DOCK4: variants seen among roughly 807,000 people sequenced by gnomAD.
The protein encoded by DOCK4 is dedicator of cytokinesis protein 4.
A neutral mutation model predicts 268.1 loss-of-function variants in DOCK4; 97 were observed. The ratio of observed to expected loss-of-function variants is 0.36; its 90% CI spans 0.31 to 0.43. DOCK4 has a LOEUF of 0.43. Among genes scored for constraint, DOCK4 ranks in the 20% least tolerant of loss-of-function variants. DOCK4 has a pLI of 1.00. For synonymous variants in DOCK4, 954 were observed against 887.2 expected, an observed-to-expected ratio of 1.08 and a Z score of -1.34; for missense variants, 2,145 against 2,455.7, an observed-to-expected ratio of 0.87 and a Z score of 2.67.
chr7:111,795,294 TAAACAAACAAAC>T (rs139322505), intron 30 of DOCK4, among the ~76,000 whole-genome samples: 3 of 151,824 alleles, frequency 2.0e-5, no homozygotes, highest in South Asian at 2.1e-4. Flanking sequence ...AGGACTTCTC[TAAACAAACAAAC>T]AAACAAACAA....
intron 16 of DOCK4, among the ~76,000 whole-genome samples, chr7:111,888,887 T>C (rs1001853248): frequency 4.6e-5 from 7 of 151,632 alleles, no homozygotes; most frequent in Non-Finnish European, 8.8e-5. Flanking sequence ...AGCGTTAGGG[T>C]ATTTGGAGAC....
In DOCK4 at chr7:111,877,018, A is replaced by T; in HGVS notation, c.1744+12T>A. ...AGGTACTAGGGCTTTCAAATAAAAC[A>T]TTATACATTACCATTTTGTGTGAGT... On this transcript the variant is annotated intron_variant, in intron 17 of 52. Coordinates refer to ENST00000428084, the MANE Select transcript of DOCK4 (RefSeq NM_001363540.2). 1 of 1,505,910 alleles carries T rather than the reference A, an allele frequency of 6.6e-7. No individual in the cohort carries two copies. The highest frequency in any genetic ancestry group is 8.9e-7 in the Non-Finnish European group (1 of 1,125,278). 93.3% of individuals were successfully genotyped at this position (1,505,910 alleles called of 1,614,324 possible).
intron 1 of DOCK4, among the ~76,000 whole-genome samples, chr7:112,143,314 C>G (rs1365406970): frequency 1.3e-5 from 2 of 152,124 alleles, no homozygotes; most frequent in Admixed American, 1.3e-4. Flanking sequence ...TGCCACAAAA[C>G]TGCCATATGA....
At chr7:111,804,476 A>T (rs1254342688) in intron 30 of DOCK4, among the ~76,000 whole-genome samples, 1 of 152,230 alleles carries the variant, frequency 6.6e-6, no homozygotes, top group Admixed American at 6.5e-5. Context: ...ATAGAGTTTC[A>T]GCTTCACAAG....
chr7:112,176,950 G>A (rs1455756976), intron 1 of DOCK4, among the ~76,000 whole-genome samples: 4 of 152,168 alleles, frequency 2.6e-5, no homozygotes, highest in African/African-American at 9.7e-5. Flanking sequence ...TGGCCATGGT[G>A]TCCTTTAGTG....
intron 1 of DOCK4, chr7:112,023,551 G>A (rs1356072713): frequency 9.9e-6 from 4 of 405,582 alleles, no homozygotes; most frequent in Non-Finnish European, 1.5e-5. Context: ...CATGCCTTCC[G>A]GATCAGAGAC....
chr7:112,077,025 A>G (rs1460535580), intron 1 of DOCK4, among the ~76,000 whole-genome samples: 1 of 152,152 alleles, frequency 6.6e-6, no homozygotes, highest in Non-Finnish European at 1.5e-5. Context: ...GATTTTATTC[A>G]GTATAAAGTC....
At chr7:112,131,869 G>T (rs1472150265) in intron 1 of DOCK4, among the ~76,000 whole-genome samples, 1 of 152,174 alleles carries the variant, frequency 6.6e-6, no homozygotes, top group African/African-American at 2.4e-5. Flanking sequence ...GGTATGGGGG[G>T]AGGAGGAGAT....
chr7:112,036,158 G>A (rs1803735810), intron 1 of DOCK4, among the ~76,000 whole-genome samples: 1 of 152,004 alleles, frequency 6.6e-6, no homozygotes, highest in East Asian at 1.9e-4. Flanking sequence ...ACAAAAGGCA[G>A]GCATCTGTAA....
intron 1 of DOCK4, among the ~76,000 whole-genome samples, chr7:112,165,561 CGTGT>C (rs1205055455): frequency 1.3e-3 from 94 of 72,036 alleles, no homozygotes; most frequent in Admixed American, 9.3e-3. Flanking sequence ...TGTGTGTGTG[CGTGT>C]GTGTGTGTAT....
intron 23 of DOCK4, among the ~76,000 whole-genome samples, chr7:111,849,153 G>T (rs1042147616): frequency 4.6e-5 from 7 of 151,836 alleles, no homozygotes; most frequent in African/African-American, 1.7e-4. Flanking sequence ...TACTTTGTGA[G>T]TTTTGCCGAA....
intron 42 of DOCK4, among the ~76,000 whole-genome samples, chr7:111,747,864 T>C (rs551981475): frequency 1.3e-5 from 2 of 152,334 alleles, no homozygotes; most frequent in South Asian, 2.1e-4. Context: ...GATGCATTTA[T>C]GGATCCTCTG....
chr7:112,177,793 A>G (rs1818662628), intron 1 of DOCK4, among the ~76,000 whole-genome samples: 1 of 152,184 alleles, frequency 6.6e-6, no homozygotes, highest in Non-Finnish European at 1.5e-5. Flanking sequence ...GTCACCTTTT[A>G]CAGGAAATCT....
rs745629660 is a variant in DOCK4, at chr7:111,741,069, AC to A, written c.5040+24del. 3 of 1,613,056 alleles carry A rather than the reference AC, an allele frequency of 1.9e-6. No individual in the cohort carries two copies. In the Admixed American group the frequency reaches 5.0e-5, roughly 27 times the overall value. ...TTGAGACAGAAAAGGAATAAACACA[AC>A]CAGACAAAAAGCTAATTAAGTACCT... On this transcript the variant is annotated intron_variant, in intron 47 of 52. Transcript: ENST00000428084.
At chr7:111,785,410 CAAAG>C (rs1406638821) in intron 32 of DOCK4, among the ~76,000 whole-genome samples, 3 of 152,100 alleles carry the variant, frequency 2.0e-5, no homozygotes, top group Admixed American at 6.6e-5. Flanking sequence ...GGCTGAAAAA[CAAAG>C]AACTCAAGTT....
intron 12 of DOCK4, among the ~76,000 whole-genome samples, chr7:111,928,809 G>A (rs961480980): frequency 1.3e-5 from 2 of 151,982 alleles, no homozygotes; most frequent in Non-Finnish European, 2.9e-5. Context: ...GGCTGGTCTC[G>A]AACTCCTGAC....
At chr7:111,940,628 T>C (rs1795132702) in intron 10 of DOCK4, among the ~76,000 whole-genome samples, 1 of 152,196 alleles carries the variant, frequency 6.6e-6, no homozygotes, top group African/African-American at 2.4e-5. Context: ...AAAAAAACTA[T>C]TTCAAAAATT....
intron 28 of DOCK4, 82 bp from the exon 29 acceptor site, chr7:111,809,483 T>C: frequency 7.9e-7 from 1 of 1,264,858 alleles, no homozygotes; most frequent in Non-Finnish European, 1.1e-6. Context: ...TTGGATTTGC[T>C]TCAAAAGTGG....
At chr7:112,043,905 C>T (rs79316089) in intron 1 of DOCK4, among the ~76,000 whole-genome samples, 4,951 of 152,020 alleles carry the variant, frequency 0.033, 192 homozygotes, top group East Asian at 0.15. Context: ...AAAGAAAAGA[C>T]TTTCTGAAGA....
Sources: gnomAD v4.1 joint callset for allele counts (sites outside exome capture counted in the v4.1 genomes callset) on GRCh38, gnomAD v4.1.1 for gene constraint, MANE v1.5 for transcripts, NCBI Gene and HGNC (gene_info 2026-07-23, HGNC 2026-07-21) for gene names.